Variants in PDE3A observed in about 807,000 individuals in gnomAD.
PDE3A encodes cGMP-inhibited 3',5'-cyclic phosphodiesterase 3A.
PDE3A carries 43 observed loss-of-function variants against 98.3 expected under a neutral mutation model. The observed-to-expected ratio is 0.44, with a 90% CI of 0.34 to 0.56. The LOEUF (loss-of-function observed/expected upper bound fraction) is 0.56, where lower values mean the gene tolerates loss of function less well. PDE3A is among the 20% of genes least tolerant of loss of function. PDE3A has a pLI of 0.01. For missense variants in PDE3A, 1,427 were observed against 1,440.7 expected, an observed-to-expected ratio of 0.99 and a Z score of 0.15; for synonymous variants, 663 against 567.9, an observed-to-expected ratio of 1.17 and a Z score of -2.38.
At chr12:20,627,983 A>C (rs1371682644) in intron 5 of PDE3A, among the ~76,000 whole-genome samples, 1 of 152,194 alleles carries the variant, frequency 6.6e-6, no homozygotes, top group African/African-American at 2.4e-5. Context: ...TAACCTTTAC[A>C]TCAGAGCACC....
chr12:20,551,943 G>C (rs1279819781), intron 1 of PDE3A: 3 of 1,613,030 alleles, frequency 1.9e-6, no homozygotes, highest in Non-Finnish European at 2.5e-6. Context: ...AGGTCAGCGA[G>C]TCGGGTGTCC....
intron 1 of PDE3A, among the ~76,000 whole-genome samples, chr12:20,379,518 A>G (rs898020901): frequency 5.3e-5 from 8 of 151,834 alleles, no homozygotes; most frequent in African/African-American, 1.9e-4. Context: ...TATAAAAGGA[A>G]TCAAATTTTT....
intron 1 of PDE3A, among the ~76,000 whole-genome samples, chr12:20,471,570 T>A (rs1161803736): frequency 6.6e-6 from 1 of 152,178 alleles, no homozygotes; most frequent in Non-Finnish European, 1.5e-5. Context: ...TTGCTATTAT[T>A]TTCTGAACAG....
intron 6 of PDE3A, among the ~76,000 whole-genome samples, chr12:20,631,235 C>A (rs951517515): frequency 6.6e-6 from 1 of 152,032 alleles, no homozygotes; most frequent in African/African-American, 2.4e-5. Context: ...ATAATTTCTG[C>A]AGGATATTAA....
chr12:20,515,602 CCTTCCACTGGACA>C (rs1280458318), intron 1 of PDE3A, among the ~76,000 whole-genome samples: 4 of 152,192 alleles, frequency 2.6e-5, no homozygotes, highest in Non-Finnish European at 5.9e-5. Context: ...AATAAACTGA[CCTTCCACTGGACA>C]CGTGGAGTAT....
intron 1 of PDE3A, among the ~76,000 whole-genome samples, chr12:20,421,574 T>G (rs1944511981): frequency 6.6e-6 from 1 of 151,186 alleles, no homozygotes; most frequent in Admixed American, 6.6e-5. Flanking sequence ...TACCTGTGTG[T>G]ACTCCTCAGA....
At chr12:20,617,862 G>A (rs549203970) in intron 4 of PDE3A, among the ~76,000 whole-genome samples, 1 of 152,026 alleles carries the variant, frequency 6.6e-6, no homozygotes, top group Admixed American at 6.6e-5. Context: ...GAACTTGAGG[G>A]TTTAAATTGA....
intron 1 of PDE3A, among the ~76,000 whole-genome samples, chr12:20,457,709 T>A (rs1048368537): frequency 9.2e-5 from 14 of 151,936 alleles, no homozygotes; most frequent in Admixed American, 9.2e-4. Context: ...TAGAACATTT[T>A]CTTATCTGAG....
intron 1 of PDE3A, among the ~76,000 whole-genome samples, chr12:20,470,613 G>GT (rs1312223610): frequency 2.6e-5 from 4 of 152,272 alleles, no homozygotes; most frequent in Admixed American, 1.3e-4. Flanking sequence ...AGGGAACAAT[G>GT]TAAGGATGTA....
chr12:20,452,293 G>A (rs543158901), intron 1 of PDE3A, among the ~76,000 whole-genome samples: 6 of 152,302 alleles, frequency 3.9e-5, no homozygotes, highest in Middle Eastern at 3.4e-3. Context: ...CCTAATGAGT[G>A]TAAGTGAAAC....
chr12:20,491,603 T>G (rs1333693961), intron 1 of PDE3A, among the ~76,000 whole-genome samples: 1 of 152,166 alleles, frequency 6.6e-6, no homozygotes, highest in Non-Finnish European at 1.5e-5. Context: ...TGTCCCATTT[T>G]TAAAGATAAA....
At chr12:20,443,069 A>G (rs1039952704) in intron 1 of PDE3A, among the ~76,000 whole-genome samples, 2 of 119,784 alleles carry the variant, frequency 1.7e-5, no homozygotes, top group Non-Finnish European at 3.9e-5. Context: ...ATGCTCCTGT[A>G]TAGGTGTAAG....
Position 20,680,312 on chromosome 12 carries a change from G to T in PDE3A, c.*41G>T. The stretch of plus-strand genomic sequence containing the variant: ...GCTGTGTTTCCAAACAGATTGACTT[G>T]TCAAAGACTCTCTTCAAGCCAGCAC... On this transcript the variant is annotated 3_prime_UTR_variant, in exon 16 of 16. Coordinates refer to ENST00000359062, the MANE Select transcript of PDE3A (RefSeq NM_000921.5). 1 of 1,603,148 alleles carries T rather than the reference G, an allele frequency of 6.2e-7. No individual in the cohort carries two copies. The highest frequency in any genetic ancestry group is 8.5e-7 in the Non-Finnish European group (1 of 1,172,646).
At chr12:20,679,925 G>T in intron 15 of PDE3A, 105 bp from the exon 16 acceptor site, 1 of 382,920 alleles carries the variant, frequency 2.6e-6, no homozygotes, top group African/African-American at 2.0e-5. Flanking sequence ...AATATAATAA[G>T]GTTATGGATT....
chr12:20,532,895 C>G (rs1183979609), intron 1 of PDE3A, among the ~76,000 whole-genome samples: 1 of 152,002 alleles, frequency 6.6e-6, no homozygotes, highest in Non-Finnish European at 1.5e-5. Flanking sequence ...TCACCTTGGT[C>G]TCGATCTCCT....
intron 5 of PDE3A, among the ~76,000 whole-genome samples, chr12:20,625,723 A>G (rs1182788193): frequency 6.6e-6 from 1 of 152,214 alleles, no homozygotes; most frequent in Non-Finnish European, 1.5e-5. Flanking sequence ...TTGATTGCCC[A>G]AAATTCCTTG....
chr12:20,400,886 A>G (rs1944117327), intron 1 of PDE3A, among the ~76,000 whole-genome samples: 1 of 152,138 alleles, frequency 6.6e-6, no homozygotes, highest in Non-Finnish European at 1.5e-5. Context: ...TATGCTAAGC[A>G]TTTTAGAGAT....
At chr12:20,630,436 T>C (rs1317026290) in intron 6 of PDE3A, among the ~76,000 whole-genome samples, 2 of 152,188 alleles carry the variant, frequency 1.3e-5, no homozygotes, top group Non-Finnish European at 2.9e-5. Context: ...AAAAATGATA[T>C]CAAGTATTCT....
chr12:20,561,650 T>C (rs1942524323), intron 2 of PDE3A, among the ~76,000 whole-genome samples: 1 of 152,120 alleles, frequency 6.6e-6, no homozygotes, highest in African/African-American at 2.4e-5. Flanking sequence ...CAACCTTAAT[T>C]ATTGCTAGGA....
Sources: gnomAD v4.1 joint callset for allele counts (sites outside exome capture counted in the v4.1 genomes callset) on GRCh38, gnomAD v4.1.1 for gene constraint, MANE v1.5 for transcripts, NCBI Gene and HGNC (gene_info 2026-07-23, HGNC 2026-07-21) for gene names.